The following SPMIP2 variants were observed in gnomAD, a reference collection of about 807,000 sequenced individuals.
SPMIP2 encodes sperm microtubule inner protein 2.
the SPMIP2 span, among the ~76,000 whole-genome samples, chr4:158,975,809 A>G: frequency 6.6e-6 from 1 of 151,980 alleles, no homozygotes; most frequent in Non-Finnish European, 1.5e-5. Context: ...ATGAAATTTA[A>G]AGTAGTTTTT....
At chr4:158,903,859 TCCA>T in the SPMIP2 span, among the ~76,000 whole-genome samples, 2 of 152,194 alleles carry the variant, frequency 1.3e-5, no homozygotes, top group Middle Eastern at 3.2e-3. Context: ...CCATACTGTA[TCCA>T]CCTCTGCTGT....
chr4:158,935,376 C>T, the SPMIP2 span, among the ~76,000 whole-genome samples: 2 of 152,202 alleles, frequency 1.3e-5, no homozygotes, highest in Admixed American at 6.5e-5. Context: ...CAATGATTCC[C>T]TCCTGTCTTC....
chr4:158,915,367 A>G, the SPMIP2 span: 2 of 1,604,072 alleles, frequency 1.2e-6, no homozygotes, highest in Non-Finnish European at 1.7e-6. Context: ...TGCCTGGAAT[A>G]GGAACAAATT....
chr4:158,899,673 A>G, the SPMIP2 span, among the ~76,000 whole-genome samples: 3 of 152,030 alleles, frequency 2.0e-5, no homozygotes, highest in Non-Finnish European at 4.4e-5. Flanking sequence ...GTTAGTTTGT[A>G]TTTCTGTGGG....
the SPMIP2 span, among the ~76,000 whole-genome samples, chr4:158,992,179 T>C: frequency 6.6e-6 from 1 of 152,252 alleles, no homozygotes; most frequent in Non-Finnish European, 1.5e-5. Context: ...TGAGCCACTG[T>C]GTCCAGACTC....
chr4:158,941,303 A>G, the SPMIP2 span, among the ~76,000 whole-genome samples: 29 of 152,346 alleles, frequency 1.9e-4, no homozygotes, highest in East Asian at 5.2e-3. Flanking sequence ...TTGATCATTT[A>G]TCCCACAATA....
At chr4:159,037,124 T>G in the SPMIP2 span, among the ~76,000 whole-genome samples, 1 of 152,194 alleles carries the variant, frequency 6.6e-6, no homozygotes, top group African/African-American at 2.4e-5. Flanking sequence ...CCATTAACAC[T>G]TCAGGGGAAA....
the SPMIP2 span, among the ~76,000 whole-genome samples, chr4:158,942,704 G>A: frequency 6.6e-6 from 1 of 152,152 alleles, no homozygotes; most frequent in Non-Finnish European, 1.5e-5. Flanking sequence ...TTGAACCCGG[G>A]AGGTGGAGGT....
chr4:159,057,820 A>C, the SPMIP2 span, among the ~76,000 whole-genome samples: 3 of 152,222 alleles, frequency 2.0e-5, no homozygotes, highest in South Asian at 2.1e-4. Context: ...CACATGTATT[A>C]GTAGCTACAG....
chr4:159,038,428 C>T, the SPMIP2 span, among the ~76,000 whole-genome samples: 4 of 152,188 alleles, frequency 2.6e-5, no homozygotes, highest in African/African-American at 9.7e-5. Context: ...GGGCCATGTA[C>T]ATTATATGCT....
the SPMIP2 span, among the ~76,000 whole-genome samples, chr4:159,019,365 C>G: frequency 6.7e-6 from 1 of 149,156 alleles, no homozygotes; most frequent in East Asian, 2.0e-4. Context: ...CTCATAATTG[C>G]ACAAGATTTC....
At chr4:158,952,464 T>TC in the SPMIP2 span, among the ~76,000 whole-genome samples, 1 of 152,182 alleles carries the variant, frequency 6.6e-6, no homozygotes, top group Non-Finnish European at 1.5e-5. Context: ...TAAGGAGACT[T>TC]CCCCAGCCAT....
the SPMIP2 span, among the ~76,000 whole-genome samples, chr4:159,003,696 A>C: frequency 2.6e-5 from 4 of 152,348 alleles, no homozygotes; most frequent in African/African-American, 9.6e-5. Flanking sequence ...CTAAAAAAGA[A>C]AGACATTTTT....
At chr4:158,978,986 G>C in the SPMIP2 span, among the ~76,000 whole-genome samples, 1 of 152,130 alleles carries the variant, frequency 6.6e-6, no homozygotes, top group Non-Finnish European at 1.5e-5. Context: ...CCTTCCCCCA[G>C]GTGCTCTGTC....
the SPMIP2 span, among the ~76,000 whole-genome samples, chr4:159,015,344 C>T: frequency 3.3e-5 from 5 of 152,118 alleles, no homozygotes; most frequent in African/African-American, 1.2e-4. Flanking sequence ...CATGTGCAGA[C>T]CTCTAAGCAA....
the SPMIP2 span, among the ~76,000 whole-genome samples, chr4:159,043,912 C>T: frequency 1.1e-4 from 17 of 152,130 alleles, no homozygotes; most frequent in East Asian, 1.3e-3. Flanking sequence ...CATTCAAATA[C>T]GTGACTATTG....
chr4:158,950,713 TG>T, the SPMIP2 span, among the ~76,000 whole-genome samples: 72 of 152,226 alleles, frequency 4.7e-4, no homozygotes, highest in African/African-American at 1.7e-3. Flanking sequence ...CTGGCCAACA[TG>T]GTGAAATTCC....
chr4:158,952,970 T>A, the SPMIP2 span, among the ~76,000 whole-genome samples: 2,306 of 152,308 alleles, frequency 0.015, 67 homozygotes, highest in African/African-American at 0.053. Context: ...TGGGTGCTGC[T>A]AAAGGTATTC....
At chr4:159,007,246 T>C in the SPMIP2 span, 1,378,772 of 1,381,990 alleles carry the variant, frequency 1, 687,819 homozygotes, top group East Asian at 1. Context: ...AATCATATAC[T>C]TGAATCAGCT....
Sources: allele counts gnomAD v4.1 joint callset (sites outside exome capture counted in the v4.1 genomes callset), GRCh38; gene constraint gnomAD v4.1.1; transcripts MANE v1.5; gene names NCBI Gene and HGNC (gene_info 2026-07-23, HGNC 2026-07-21).